Variants in PADI4 observed in about 807,000 individuals in gnomAD.
PADI4 encodes protein-arginine deiminase type-4.
Under a neutral mutation model 75.0 loss-of-function variants are expected in PADI4, and 62 were observed. The observed-to-expected ratio is 0.83, with a 90% CI of 0.67 to 1.02. PADI4 has a LOEUF of 1.02. Among genes scored for constraint, PADI4 ranks in the 50% least tolerant of loss-of-function variants. The pLI is 0.00. For missense variants in PADI4, 845 were observed against 850.5 expected (o/e 0.99, Z 0.08); for synonymous variants, 361 against 348.1 (o/e 1.04, Z -0.41).
At chr1:17,329,632 C>T (rs2074175578) in intron 1 of PADI4, among the ~76,000 whole-genome samples, 1 of 152,056 alleles carries the variant, frequency 6.6e-6, no homozygotes, top group South Asian at 2.1e-4. Flanking sequence ...TCAGGGGTGG[C>T]AGAGGAGGAA....
In PADI4 at chr1:17,341,993, T is replaced by A. The variant is rs774721312; in HGVS notation, c.703T>A (p.Ser235Thr). 2.5e-6 allele frequency: 4 copies of A among 1,614,024 alleles called. No individual in the cohort carries two copies. Among genetic ancestry groups the A allele is most frequent in the Non-Finnish European group, 3.4e-6 (4 of 1,179,928 alleles). Reference protein sequence around the residue: ...CSVVLGPKWPSHYLMVPGGKH... With the variant: ...CSVVLGPKWPTHYLMVPGGKH... ...CGTAGTCTTGGGTCCCAAGTGGCCC[T>A]CTCACTACCTGATGGTCCCCGGTGG... Residue 235 changes from serine to threonine, a missense_variant, in exon 7 of 16, where the codon TCT becomes ACT. By Grantham distance (58) the Ser-to-Thr change is moderately conservative. Coordinates refer to ENST00000375448, the MANE Select transcript of PADI4 (RefSeq NM_012387.3).
intron 10 of PADI4, among the ~76,000 whole-genome samples, chr1:17,351,119 G>A (rs61763735): frequency 1.3e-5 from 1 of 77,602 alleles, no homozygotes; most frequent in Non-Finnish European, 3.5e-5. Context: ...GATCGCTTGA[G>A]CCCAGGAGGT....
At chr1:17,311,817 G>A (rs966148377) in intron 1 of PADI4, among the ~76,000 whole-genome samples, 4 of 152,106 alleles carry the variant, frequency 2.6e-5, no homozygotes, top group South Asian at 2.1e-4. Context: ...GAGCCACCGC[G>A]CCCAGCCGGG....
chr1:17,354,664 CT>C lies in PADI4; in HGVS notation c.1289del (p.Phe430SerfsTer31). Reference protein sequence around the residue: ...GKEYPLGRILFGDSCYPSNDS... With the variant: ...GKEYPLGRILXGDSCYPSNDS... ...AGGAATACCCGCTGGGCAGGATTCT[CT>C]TCGGGGACAGCTGTTATCCCAGGTA... On this transcript the variant is annotated frameshift_variant, in exon 11 of 16. Transcript: ENST00000375448. LOFTEE classifies it high-confidence loss of function. 6.2e-7 allele frequency: 1 copy of C among 1,611,162 alleles called. No homozygotes were observed. Among genetic ancestry groups the C allele is most frequent in the Non-Finnish European group, 8.5e-7 (1 of 1,178,294 alleles).
chr1:17,331,596 G>A (rs961195080), intron 2 of PADI4, among the ~76,000 whole-genome samples: 4 of 150,528 alleles, frequency 2.7e-5, no homozygotes, highest in African/African-American at 4.9e-5. Flanking sequence ...CTCCTGGATC[G>A]GTTTCCTGTG....
chr1:17,323,859 C>CA (rs397979378), intron 1 of PADI4, among the ~76,000 whole-genome samples: 45 of 148,858 alleles, frequency 3.0e-4, no homozygotes, highest in African/African-American at 8.6e-4. Flanking sequence ...ACAACAACAA[C>CA]AAAAAAAACA....
chr1:17,362,623 C>T (rs1355541135), intron 15 of PADI4, among the ~76,000 whole-genome samples: 1 of 151,990 alleles, frequency 6.6e-6, no homozygotes, highest in African/African-American at 2.4e-5. Flanking sequence ...ACACTAGAAG[C>T]CCAGTGCCCA....
rs749584444 is a variant in PADI4 at position 17,363,517 on chromosome 1, T to C, written c.1759-5T>C. ...CCTGTGACCTGAACCCTCACTTCCC[T>C]GCAGGTGAACATGCTGGTGCTAGGG... On this transcript the variant is annotated splice_region_variant and splice_polypyrimidine_tract_variant and intron_variant, in intron 15 of 15. Transcript: ENST00000375448. 2 of 1,605,880 alleles carry C rather than the reference T, an allele frequency of 1.2e-6. No individual in the cohort carries two copies. Among genetic ancestry groups the C allele is most frequent in the African/African-American group, 1.3e-5 (1 of 74,908 alleles).
Position 17,335,473 on chromosome 1 carries a change from C to T in PADI4, c.341-686C>T, listed in dbSNP as rs140178736. ...AATGCTTCCCCGGCCCTAACTAAGA[C>T]GTGGCTATGAATATGTTTAGAAGGT... is the stretch of plus-strand genomic sequence containing the variant. On this transcript the variant is annotated intron_variant, in intron 3 of 15. Coordinates refer to ENST00000375448, the MANE Select transcript of PADI4 (RefSeq NM_012387.3). Among the ~76,000 whole-genome samples, 492 of 152,310 alleles carry T rather than the reference C, an allele frequency of 3.2e-3. 6 individuals carry two copies. Among genetic ancestry groups the T allele is most frequent in the African/African-American group, 0.011 (459 of 41,572 alleles).
intron 15 of PADI4, 104 bp from the exon 16 acceptor site, chr1:17,363,418 T>C (rs2074874177): frequency 5.3e-6 from 4 of 756,504 alleles, no homozygotes; most frequent in Non-Finnish European, 9.0e-6. Flanking sequence ...CCACCACCCC[T>C]GGAGGGGCTA....
At chr1:17,363,096 C>A (rs1344924998) in intron 15 of PADI4, among the ~76,000 whole-genome samples, 1 of 151,494 alleles carries the variant, frequency 6.6e-6, no homozygotes, top group Non-Finnish European at 1.5e-5. Flanking sequence ...GGATTACAGG[C>A]ATGAGCCACC....
intron 1 of PADI4, among the ~76,000 whole-genome samples, chr1:17,309,862 G>A (rs750694731): frequency 6.6e-6 from 1 of 152,222 alleles, no homozygotes; most frequent in Non-Finnish European, 1.5e-5. Context: ...TGAAGGAAAT[G>A]ACAGGAGCTG....
Position 17,308,232 on chromosome 1 carries a change from G to A in PADI4, c.10G>A (p.Gly4Arg), listed in dbSNP as rs377643304. Residue 4 changes from glycine (G) to arginine (R), a missense_variant, in exon 1 of 16, where the codon GGG becomes AGG. Gly to Arg is a moderately radical substitution (Grantham distance 125, BLOSUM62 -2). Transcript: ENST00000375448. The part of the protein sequence containing the change: MAQ[G>R]TLIRVTPEQP... ...ACGAGCTAGCCCGACGATGGCCCAG[G>A]GGACATTGATCCGTGTGACCCCAGA... 9.8e-5 allele frequency: 158 copies of A among 1,613,942 alleles called. No homozygotes were observed. Among genetic ancestry groups the A allele is most frequent in the Non-Finnish European group, 1.3e-4 (157 of 1,180,000 alleles).
Position 17,342,229 on chromosome 1 carries a change from C to G in PADI4, c.832-70C>G. 4 of 1,416,208 alleles carry G rather than the reference C, an allele frequency of 2.8e-6. No homozygotes were observed. The South Asian group carries it at 4.7e-5, about 17-fold the overall frequency. 87.7% of individuals were successfully genotyped at this position (1,416,208 alleles called of 1,614,324 possible). ...TGGGCAGGGGGACTCCAAACAGCTG[C>G]AGGAAGTGGTAGGTGCTGGGCCCTG... On this transcript the variant is annotated intron_variant, in intron 7 of 15. Coordinates refer to ENST00000375448, the MANE Select transcript of PADI4 (RefSeq NM_012387.3).
chr1:17,321,350 G>T (rs1271502081), intron 1 of PADI4, among the ~76,000 whole-genome samples: 8 of 152,134 alleles, frequency 5.3e-5, no homozygotes, highest in Non-Finnish European at 1.2e-4. Flanking sequence ...GCCAGGCCAG[G>T]GCCCACCCTC....
chr1:17,342,875 C>G (rs931682666), intron 8 of PADI4, among the ~76,000 whole-genome samples: 1 of 152,118 alleles, frequency 6.6e-6, no homozygotes, highest in African/African-American at 2.4e-5. Flanking sequence ...CTCAGGAGGC[C>G]GAGGCACGAG....
In PADI4 at chr1:17,342,067, C is replaced by T. The variant is rs147397704; in HGVS notation, c.777C>T (p.Thr259=). 2.6e-5 allele frequency: 42 copies of T among 1,614,078 alleles called. No individual in the cohort carries two copies. The East Asian group carries it at 2.7e-4, about 10-fold the overall frequency. The change falls in exon 7 of 16, where the codon ACC becomes ACT. Residue 259 remains threonine, a synonymous_variant. Coordinates refer to ENST00000375448, the MANE Select transcript of PADI4 (RefSeq NM_012387.3). ...FYVEALAFPD[T]DFPGLITLTI... is the part of the protein sequence containing the mutation. The stretch of plus-strand genomic sequence containing the variant: ...TGGAGGCCCTCGCTTTCCCGGACAC[C>T]GACTTCCCGGGGCTCATTACCCTCA...
Position 17,358,880 on chromosome 1 carries a change from C to G in PADI4, c.1601C>G (p.Thr534Arg). 6.2e-7 allele frequency: 1 copy of G among 1,608,254 alleles called. No homozygotes were observed. Among genetic ancestry groups the G allele is most frequent in the Non-Finnish European group, 8.5e-7 (1 of 1,176,696 alleles). ...QKIKNILSNK[T>R]LREHNSFVER... ...ATAAAGAACATTCTGTCAAACAAGA[C>G]ATTGAGAGAACATAATTCATTTGTG... The change falls in exon 14 of 16, where the codon ACA becomes AGA. Residue 534 changes from threonine (T) to arginine (R), a missense_variant. Transcript: ENST00000375448.
chr1:17,322,485 TCCCC>T (rs34016518), intron 1 of PADI4, among the ~76,000 whole-genome samples: 1 of 126,486 alleles, frequency 7.9e-6, no homozygotes, highest in African/African-American at 2.9e-5. Context: ...TGAGACTCCA[TCCCC>T]CCCCAAAAAA....
Sources: allele counts gnomAD v4.1 joint callset (sites outside exome capture counted in the v4.1 genomes callset), GRCh38; gene constraint gnomAD v4.1.1; transcripts MANE v1.5; gene names NCBI Gene and HGNC (gene_info 2026-07-23, HGNC 2026-07-21).